RNASE6: variants seen among roughly 807,000 people sequenced by gnomAD.
RNASE6 encodes ribonuclease A family member 6.
For synonymous variants in RNASE6, 64 were observed against 63.6 expected (o/e 1.01, Z -0.03); for missense variants, 197 against 181.9 (o/e 1.08, Z -0.48).
upstream of RNASE6, chr14:20,781,070 C>CT (rs1430210121): frequency 6.6e-6 from 1 of 152,066 alleles, no homozygotes; most frequent in East Asian, 1.9e-4. Context: ...CATGTTGTTT[C>CT]TTTAAGTTGG....
Position 20,782,033 on chromosome 14 carries a change from C to T in RNASE6, c.334C>T (p.Pro112Ser). 4 of 1,614,212 alleles carry T rather than the reference C, an allele frequency of 2.5e-6. No homozygotes were observed. The highest frequency in any genetic ancestry group is 3.4e-6 in the Non-Finnish European group (4 of 1,180,026). Residue 112 changes from proline to serine, a missense_variant, in exon 2 of 2, where the codon CCC becomes TCC. Physicochemically the swap from Pro to Ser is moderately conservative, Grantham distance 74 (BLOSUM62 -1). Coordinates refer to ENST00000304677, the MANE Select transcript of RNASE6 (RefSeq NM_005615.5). ...CTGCAGACTCACTTCAGGAAAGTAT[C>T]CCCAGTGCCGCTATAGTGCTGCTGC... is the stretch of plus-strand genomic sequence containing the variant. ...TDCRLTSGKY[P>S]QCRYSAAAQY...
chr14:20,782,275 A>C lies in RNASE6; in HGVS notation c.*123A>C. The C allele has an allele frequency of 3.1e-6, 3 of 963,766 alleles. No individual in the cohort carries two copies. The highest frequency in any genetic ancestry group is 4.6e-6 in the Non-Finnish European group (3 of 648,568). 59.7% of individuals were successfully genotyped at this position (963,766 alleles called of 1,614,324 possible). On this transcript the variant is annotated 3_prime_UTR_variant, in exon 2 of 2. Transcript: ENST00000304677. ...AGAAGAAAGGTGTTTGGAGAATTCG[A>C]GTGCCTAGGATGCCAGACCAGAGTT...
intron 1 of RNASE6, 88 bp downstream of exon 1, chr14:20,781,426 A>C: frequency 9.9e-6 from 4 of 404,592 alleles, no homozygotes; most frequent in Non-Finnish European, 1.3e-5. Context: ...ATATTTCAGG[A>C]GGGAAGAGGG....
At position 20,782,247 on chromosome 14, in the gene RNASE6, G is replaced by T. The variant is rs963030103; in HGVS notation, c.*95G>T. The stretch of plus-strand genomic sequence containing the variant: ...TGTTGATTTTCTTGTTCCCGTAGAA[G>T]AAAGAAGAAAGGTGTTTGGAGAATT... On this transcript the variant is annotated 3_prime_UTR_variant, in exon 2 of 2. Transcript: ENST00000304677. 2.4e-6 allele frequency: 3 copies of T among 1,259,284 alleles called. No homozygotes were observed. Among genetic ancestry groups the T allele is most frequent in the African/African-American group, 3.0e-5 (2 of 66,426 alleles). 78.0% of individuals were successfully genotyped at this position (1,259,284 alleles called of 1,614,324 possible).
chr14:20,782,182 A>G lies in RNASE6; in HGVS notation c.*30A>G, dbSNP rs1414044779. On this transcript the variant is annotated 3_prime_UTR_variant, in exon 2 of 2. Coordinates refer to ENST00000304677, the MANE Select transcript of RNASE6 (RefSeq NM_005615.5). Reference sequence around the variant, plus strand: ...TCCACTGCATTTCCTTTCATTTGACATAGCTTCTGTTACAATTGCATCCAT... The same window carrying G: ...TCCACTGCATTTCCTTTCATTTGACGTAGCTTCTGTTACAATTGCATCCAT... 2.7e-6 allele frequency: 4 copies of G among 1,500,954 alleles called. No individual in the cohort carries two copies. The highest frequency in any genetic ancestry group is 1.3e-5 in the South Asian group (1 of 76,336). The allele number at this position is 1,500,954 out of a possible 1,614,324, so 93.0% of individuals were successfully genotyped here.
chr14:20,781,939 G>T lies in RNASE6; in HGVS notation c.240G>T (p.Leu80Phe), dbSNP rs202198921. ...AGAATGTGGCTGCTGTCTGTGATTT[G>T]CTCAGCATTGTCTGCAAAAATCGTC... is the stretch of plus-strand genomic sequence containing the variant. The part of the protein sequence containing the change: ...SFQNVAAVCD[L>F]LSIVCKNRRH... Residue 80 changes from leucine to phenylalanine, a missense_variant, in exon 2 of 2, where the codon TTG (leucine) becomes TTT (phenylalanine). By Grantham distance (22) the Leu-to-Phe change is conservative (BLOSUM62 0). Transcript: ENST00000304677. 23 of 1,614,044 alleles carry T rather than the reference G, an allele frequency of 1.4e-5. No individual in the cohort carries two copies. The Admixed American group carries it at 3.8e-4, about 27-fold the overall frequency.
At chr14:20,781,665 A>C in intron 1 of RNASE6, 30 bp from the exon 2 acceptor site, 2 of 1,515,338 alleles carry the variant, frequency 1.3e-6, no homozygotes, top group South Asian at 2.6e-5. Flanking sequence ...TGCTTCTCCT[A>C]CTATAACTAT....
chr14:20,781,366 C>T (rs563761649), intron 1 of RNASE6, 28 bp downstream of exon 1: 19 of 247,970 alleles, frequency 7.7e-5, no homozygotes, highest in Non-Finnish European at 1.4e-4. Flanking sequence ...AGGGCTGGAG[C>T]GAGTAGAGCA....
chr14:20,781,623 T>G, intron 1 of RNASE6, 72 bp from the exon 2 acceptor site: 2 of 1,185,942 alleles, frequency 1.7e-6, no homozygotes, highest in Non-Finnish European at 2.3e-6. Context: ...AATAAAAATC[T>G]AAATAGTTAT....
chr14:20,781,963 T>G lies in RNASE6; in HGVS notation c.264T>G (p.Arg88=), dbSNP rs762811223. 7 of 1,614,172 alleles carry G rather than the reference T, an allele frequency of 4.3e-6. No individual in the cohort carries two copies. Among genetic ancestry groups the G allele is most frequent in the Non-Finnish European group, 5.9e-6 (7 of 1,180,018 alleles). Residue 88 remains arginine, a synonymous_variant, in exon 2 of 2, where the codon CGT becomes CGG. Transcript: ENST00000304677. ...CDLLSIVCKN[R]RHNCHQSSKP... is the part of the protein sequence containing the mutation. ...TGCTCAGCATTGTCTGCAAAAATCGTCGGCACAACTGCCACCAGAGCTCAA... is the reference window on the plus strand; with the variant it reads ...TGCTCAGCATTGTCTGCAAAAATCGGCGGCACAACTGCCACCAGAGCTCAA...
chr14:20,782,240 C>A lies in RNASE6; in HGVS notation c.*88C>A. The A allele has an allele frequency of 7.6e-7, 1 of 1,319,798 alleles. No individual in the cohort carries two copies. The highest frequency in any genetic ancestry group is 1.0e-6 in the Non-Finnish European group (1 of 960,528). 81.8% of individuals were successfully genotyped at this position (1,319,798 alleles called of 1,614,324 possible). ...TTTCTTTTGTTGATTTTCTTGTTCC[C>A]GTAGAAGAAAGAAGAAAGGTGTTTG... On this transcript the variant is annotated 3_prime_UTR_variant, in exon 2 of 2. Transcript: ENST00000304677.
In RNASE6 at chr14:20,781,913, C is replaced by T. The variant is rs779172664; in HGVS notation, c.214C>T (p.Gln72Ter). The T allele has an allele frequency of 2.5e-6, 4 of 1,614,198 alleles. No homozygotes were observed. The highest frequency in any genetic ancestry group is 4.5e-5 in the East Asian group (2 of 44,888). The change falls in exon 2 of 2, where the codon CAG becomes TAG. Residue 72 changes from glutamine to a stop codon, truncating the protein, a stop_gained. Transcript: ENST00000304677. LOFTEE classifies it low-confidence loss of function (END_TRUNC). Reference protein sequence around the residue: ...HQNTFLHDSFQNVAAVCDLLS... With the variant: ...HQNTFLHDSF ...AAATACCTTTCTGCATGACTCTTTCCAGAATGTGGCTGCTGTCTGTGATTT... is the reference window on the plus strand; with the variant it reads ...AAATACCTTTCTGCATGACTCTTTCTAGAATGTGGCTGCTGTCTGTGATTT...
rs116026454 is a variant in RNASE6 at position 20,781,707 on chromosome 14, T to C, written c.8T>C (p.Leu3Pro). 1.9e-6 allele frequency: 3 copies of C among 1,605,410 alleles called. No individual in the cohort carries two copies. Among genetic ancestry groups the C allele is most frequent in the East Asian group, 2.2e-5 (1 of 44,838 alleles). Residue 3 changes from leucine (L) to proline (P), a missense_variant, in exon 2 of 2, where the codon CTA becomes CCA. Transcript: ENST00000304677. ...TCTTTCTACACAGAAAAGATGGTGC[T>C]ATGCTTTCCTCTTCTTTTACTGCTG... MV[L>P]CFPLLLLLLV...
At position 20,782,238 on chromosome 14, in the gene RNASE6, C is replaced by A. The variant is rs1006872845; in HGVS notation, c.*86C>A. On this transcript the variant is annotated 3_prime_UTR_variant, in exon 2 of 2. Transcript: ENST00000304677. The stretch of plus-strand genomic sequence containing the variant: ...CTTTTCTTTTGTTGATTTTCTTGTT[C>A]CCGTAGAAGAAAGAAGAAAGGTGTT... The A allele has an allele frequency of 1.5e-6, 2 of 1,331,600 alleles. No homozygotes were observed. The highest frequency in any genetic ancestry group is 2.1e-6 in the Non-Finnish European group (2 of 970,644). 82.5% of individuals were successfully genotyped at this position (1,331,600 alleles called of 1,614,324 possible).
Position 20,781,791 on chromosome 14 carries a change from C to T in RNASE6, c.92C>T (p.Ala31Val), listed in dbSNP as rs200834282. 3 of 1,614,054 alleles carry T rather than the reference C, an allele frequency of 1.9e-6. No individual in the cohort carries two copies. Among genetic ancestry groups the T allele is most frequent in the African/African-American group, 1.3e-5 (1 of 74,904 alleles). ...GCTTGGCCTAAGCGTCTCACCAAGG[C>T]TCACTGGTTTGAAATTCAGCATATA... ...LHAWPKRLTK[A>V]HWFEIQHIQP... Residue 31 changes from alanine to valine, a missense_variant, in exon 2 of 2, where the codon GCT (alanine) becomes GTT (valine). Physicochemically the swap from Ala to Val is moderately conservative, Grantham distance 64. Coordinates refer to ENST00000304677, the MANE Select transcript of RNASE6 (RefSeq NM_005615.5).
chr14:20,781,923 C>T lies in RNASE6; in HGVS notation c.224C>T (p.Ala75Val). 1 of 1,614,210 alleles carries T rather than the reference C, an allele frequency of 6.2e-7. No individual in the cohort carries two copies. Among genetic ancestry groups the T allele is most frequent in the South Asian group, 1.1e-5 (1 of 91,084 alleles). ...CTGCATGACTCTTTCCAGAATGTGG[C>T]TGCTGTCTGTGATTTGCTCAGCATT... ...TFLHDSFQNV[A>V]AVCDLLSIVC... is the part of the protein sequence containing the mutation. The change falls in exon 2 of 2, where the codon GCT becomes GTT. Residue 75 changes from alanine to valine, a missense_variant. Coordinates refer to ENST00000304677, the MANE Select transcript of RNASE6 (RefSeq NM_005615.5).
chr14:20,781,848 T>G lies in RNASE6; in HGVS notation c.149T>G (p.Met50Arg), dbSNP rs1878658253. 3 of 1,614,066 alleles carry G rather than the reference T, an allele frequency of 1.9e-6. No homozygotes were observed. The highest frequency in any genetic ancestry group is 1.3e-5 in the African/African-American group (1 of 74,922). Residue 50 changes from methionine to arginine, a missense_variant, in exon 2 of 2, where the codon ATG becomes AGG. By Grantham distance (91) the Met-to-Arg change is moderately conservative. Transcript: ENST00000304677. ...AGTCCTCTCCAATGCAACAGGGCAA[T>G]GAGTGGCATCAACAATTATACCCAG... ...QPSPLQCNRA[M>R]SGINNYTQHC...
At position 20,781,989 on chromosome 14, in the gene RNASE6, A is replaced by G. The variant is rs113809730; in HGVS notation, c.290A>G (p.Lys97Arg). Reference sequence around the variant, plus strand: ...CGGCACAACTGCCACCAGAGCTCAAAGCCTGTCAACATGACTGACTGCAGA... The same window carrying G: ...CGGCACAACTGCCACCAGAGCTCAAGGCCTGTCAACATGACTGACTGCAGA... ...NRRHNCHQSS[K>R]PVNMTDCRLT... is the part of the protein sequence containing the mutation. Residue 97 changes from lysine (K) to arginine (R), a missense_variant, in exon 2 of 2, where the codon AAG (lysine) becomes AGG (arginine). Lys to Arg is a conservative substitution (Grantham distance 26). Transcript: ENST00000304677. 1.5e-5 allele frequency: 24 copies of G among 1,614,214 alleles called. No homozygotes were observed. The highest frequency in any genetic ancestry group is 9.3e-5 in the African/African-American group (7 of 75,052).
At position 20,782,413 on chromosome 14, in the gene RNASE6, CA is replaced by C. The variant is rs1210584778; in HGVS notation, c.*263del. ...AGATTTCTAACCCTGCAACTTTTGC[CA>C]AGCTTTATTGCCCTGTGTTCACAGC... On this transcript the variant is annotated 3_prime_UTR_variant, in exon 2 of 2. Transcript: ENST00000304677. 2 of 485,706 alleles carry C rather than the reference CA, an allele frequency of 4.1e-6. No homozygotes were observed. Among genetic ancestry groups the C allele is most frequent in the African/African-American group, 3.9e-5 (2 of 51,240 alleles). The allele number at this position is 485,706 out of a possible 1,614,324, so 30.1% of individuals were successfully genotyped here. A position where few individuals can be genotyped will look rare whatever the true frequency, so the allele number is the denominator to read the frequency against.
Sources: allele counts gnomAD v4.1 joint callset, GRCh38; gene constraint gnomAD v4.1.1; transcripts MANE v1.5; gene names NCBI Gene and HGNC (gene_info 2026-07-23, HGNC 2026-07-21).